RIPK3: variants seen among roughly 807,000 people sequenced by gnomAD.
The protein encoded by RIPK3 is receptor interacting serine/threonine kinase 3, also known as receptor-interacting serine/threonine-protein kinase 3.
In RIPK3, 51 loss-of-function variants were observed where a neutral mutation model predicts 51.6. The ratio of observed to expected loss-of-function variants is 0.99; its 90% CI spans 0.79 to 1.25. The LOEUF is 1.25. RIPK3 is among the 50% of genes most tolerant of loss of function. The pLI is 0.00. For synonymous variants in RIPK3, 246 were observed against 257.7 expected (o/e 0.95, Z 0.44); for missense variants, 654 against 650.4 (o/e 1.01, Z -0.06).
At chr14:24,338,804 G>A (rs754830302) in intron 3 of RIPK3, 128 of 683,662 alleles carry the variant, frequency 1.9e-4, no homozygotes, top group Middle Eastern at 3.3e-4. Flanking sequence ...GGCAGCTGGT[G>A]GAAATGACTC....
rs754012831 is a variant in RIPK3 at position 24,336,828 on chromosome 14, AGGAGGAGTCTGGT to A, written c.1336+44_1336+56del. 91 of 1,425,882 alleles carry A rather than the reference AGGAGGAGTCTGGT, an allele frequency of 6.4e-5. 1 individual carries two copies. The South Asian group carries it at 1.0e-3, about 16-fold the overall frequency. 88.3% of individuals were successfully genotyped at this position (1,425,882 alleles called of 1,614,324 possible). On this transcript the variant is annotated intron_variant, in intron 9 of 9. Transcript: ENST00000216274. ...ACCCTGAATCTAGATATAGGTCTGG[AGGAGGAGTCTGGT>A]GGAAGAATTGAACAGGGAAAAGAAA...
chr14:24,337,347 G>C lies in RIPK3; in HGVS notation c.1014C>G (p.His338Gln). 6.2e-7 allele frequency: 1 copy of C among 1,614,028 alleles called. No homozygotes were observed. The highest frequency in any genetic ancestry group is 8.5e-7 in the Non-Finnish European group (1 of 1,180,032). Reference sequence around the variant, plus strand: ...CAGAAACCATGACATCATTACGAGAGTGCTGGTTTTCTATGGTTCTCCTAA... The same window carrying C: ...CAGAAACCATGACATCATTACGAGACTGCTGGTTTTCTATGGTTCTCCTAA... ...DGFRRTIENQ[H>Q]SRNDVMVSEW... Residue 338 changes from histidine to glutamine, a missense_variant, in exon 8 of 10, where the codon CAC (histidine) becomes CAG (glutamine). His to Gln is a conservative substitution (Grantham distance 24, BLOSUM62 0). Transcript: ENST00000216274.
chr14:24,338,139 C>T (rs761384731), intron 5 of RIPK3, 99 bp from the exon 6 acceptor site: 148 of 1,586,894 alleles, frequency 9.3e-5, no homozygotes, highest in South Asian at 2.1e-4. Flanking sequence ...TGTGGGGGCA[C>T]GAGGAGGGAG....
At chr14:24,337,022 C>T (rs766820712) in intron 8 of RIPK3, 64 bp downstream of exon 8, 24 of 1,605,224 alleles carry the variant, frequency 1.5e-5, no homozygotes, top group South Asian at 6.7e-5. Context: ...CCCAAGTTTT[C>T]GCTGGCAAGG....
Position 24,338,454 on chromosome 14 carries a change from G to A in RIPK3, c.585C>T (p.Asn195=), listed in dbSNP as rs2042157749. The A allele has an allele frequency of 6.2e-7, 1 of 1,613,722 alleles. No individual in the cohort carries two copies. The highest frequency in any genetic ancestry group is 8.5e-7 in the Non-Finnish European group (1 of 1,179,678). ...YLAPELFVNV[N]RKASTASDVY... ...CGTCACTGGCTGTGGAGGCCTTCCG[G>A]TTTACGTTAACAAACAGTTCTGGGG... Residue 195 remains asparagine, a synonymous_variant, in exon 4 of 10, where the codon AAC becomes AAT. Transcript: ENST00000216274.
Position 24,339,309 on chromosome 14 carries a change from C to T in RIPK3, c.177G>A (p.Arg59=). The T allele has an allele frequency of 6.2e-7, 1 of 1,611,786 alleles. No homozygotes were observed. The highest frequency in any genetic ancestry group is 1.1e-5 in the South Asian group (1 of 91,056). ...CCAGACTTGCCATGGCCTTGACCTCCCTGGATATCGCCTTCCTACACTCCA... is the reference window on the plus strand; with the variant it reads ...CCAGACTTGCCATGGCCTTGACCTCTCTGGATATCGCCTTCCTACACTCCA... ...VKIVNSKAIS[R]EVKAMASLDN... Residue 59 remains arginine, a synonymous_variant, in exon 3 of 10, where the codon AGG becomes AGA. Transcript: ENST00000216274. The surrounding 1 kb of genome is among the most constrained non-coding windows in gnomAD (Gnocchi z 4.0).
chr14:24,336,682 G>A (rs1462046120), intron 9 of RIPK3: 2 of 683,598 alleles, frequency 2.9e-6, no homozygotes, highest in South Asian at 1.8e-5. Context: ...GAAGATTCAG[G>A]GACAAATCCA....
In RIPK3 at chr14:24,336,257, G is replaced by T. The variant is rs3212254; in HGVS notation, c.1475C>A (p.Pro492Gln). The T allele has an allele frequency of 0.065, 105,082 of 1,612,796 alleles. 4,541 individuals carry two copies. The highest frequency in any genetic ancestry group is 0.2 in the African/African-American group (15,334 of 74,904). The part of the protein sequence containing the change: ...SGKGRGLQHP[P>Q]PVGSQEGPKD... ...AGGGCCTTCTTGCGAACCTACTGGT[G>T]GGGGGTGCTGCAAGCCCCTCCCCTT... Residue 492 changes from proline (P) to glutamine (Q), a missense_variant, in exon 10 of 10, where the codon CCA (proline) becomes CAA (glutamine). Physicochemically the swap from Pro to Gln is moderately conservative, Grantham distance 76 (BLOSUM62 -1). Coordinates refer to ENST00000216274, the MANE Select transcript of RIPK3 (RefSeq NM_006871.4).
Position 24,336,892 on chromosome 14 carries a change from T to A in RIPK3, c.1329A>T (p.Pro443=). The A allele has an allele frequency of 6.2e-7, 1 of 1,614,052 alleles. No individual in the cohort carries two copies. The highest frequency in any genetic ancestry group is 8.5e-7 in the Non-Finnish European group (1 of 1,179,896). Residue 443 remains proline, a synonymous_variant, in exon 9 of 10, where the codon CCA becomes CCT. Transcript: ENST00000216274. ...GAGGTAGAGAATGGGTACCTGTTAC[T>A]GGATTTGGCTCCGGGGTCCTGCAGG... ...NWSCRTPEPN[P]VTGRPLVNIY... is the part of the protein sequence containing the mutation.
At chr14:24,338,598 GGAA>G in intron 3 of RIPK3, 31 bp from the exon 4 acceptor site, 1 of 1,579,000 alleles carries the variant, frequency 6.3e-7, no homozygotes, top group South Asian at 1.1e-5. Context: ...TGGGAGGTAG[GGAA>G]GACAAGGGGG....
chr14:24,339,094 A>C lies in RIPK3; in HGVS notation c.392T>G (p.Leu131Arg). 1.9e-6 allele frequency: 3 copies of C among 1,614,212 alleles called. No homozygotes were observed. The highest frequency in any genetic ancestry group is 2.5e-6 in the Non-Finnish European group (3 of 1,180,032). The change falls in exon 3 of 10, where the codon CTG becomes CGG. Residue 131 changes from leucine (L) to arginine (R), a missense_variant. Coordinates refer to ENST00000216274, the MANE Select transcript of RIPK3 (RefSeq NM_006871.4). The surrounding 1 kb of genome is among the most constrained non-coding windows in gnomAD (Gnocchi z 4.0). Reference protein sequence around the residue: ...LKEVVLGMFYLHDQNPVLLHR... With the variant: ...LKEVVLGMFYRHDQNPVLLHR... ...CAGGAGCACCGGGTTCTGGTCGTGC[A>C]GGTAAAACATCCCAAGCACCACTTC...
In RIPK3 at chr14:24,339,333, C is replaced by A. The variant is rs377051629; in HGVS notation, c.162-9G>T. ...CCCTGGATATCGCCTTCCTACACTC[C>A]AGGAGAGAGCTGGAGTCGCACCGGG... On this transcript the variant is annotated splice_polypyrimidine_tract_variant and intron_variant, in intron 2 of 9. Coordinates refer to ENST00000216274, the MANE Select transcript of RIPK3 (RefSeq NM_006871.4). This position sits in a 1 kb window ranked among gnomAD's most constrained non-coding sequence, Gnocchi z 4.0. 1 of 1,609,578 alleles carries A rather than the reference C, an allele frequency of 6.2e-7. No individual in the cohort carries two copies. The highest frequency in any genetic ancestry group is 1.3e-5 in the African/African-American group (1 of 74,848).
rs749917612 is a variant in RIPK3 at position 24,337,761 on chromosome 14, T to C, written c.834A>G (p.Glu278=). 3.7e-6 allele frequency: 6 copies of C among 1,613,996 alleles called. No individual in the cohort carries two copies. Among genetic ancestry groups the C allele is most frequent in the Non-Finnish European group, 5.1e-6 (6 of 1,179,926 alleles). Reference sequence around the variant, plus strand: ...AGACTTCATCAGTTTTTGGTAGGCATTCTAGAGGGACAGCAGAGTGGAGTG... The same window carrying C: ...AGACTTCATCAGTTTTTGGTAGGCACTCTAGAGGGACAGCAGAGTGGAGTG... The part of the protein sequence containing the change: ...SEPKDRPSFQ[E]CLPKTDEVFQ... The change falls in exon 7 of 10, where the codon GAA becomes GAG. Residue 278 remains glutamate (E), a splice_region_variant and synonymous_variant. Coordinates refer to ENST00000216274, the MANE Select transcript of RIPK3 (RefSeq NM_006871.4).
Position 24,339,586 on chromosome 14 carries a change from G to A in RIPK3, c.32C>T (p.Ala11Val), listed in dbSNP as rs751093144. The A allele has an allele frequency of 6.2e-7, 1 of 1,614,142 alleles. No individual in the cohort carries two copies. The highest frequency in any genetic ancestry group is 8.5e-7 in the Non-Finnish European group (1 of 1,180,020). Residue 11 changes from alanine (A) to valine (V), a missense_variant, in exon 2 of 10, where the codon GCC (alanine) becomes GTC (valine). Transcript: ENST00000216274. This position sits in a 1 kb window ranked among gnomAD's most constrained non-coding sequence, Gnocchi z 4.0. ...CTCGATGGACACCAAGGGGGCGGGGGCACCGCTGGGCCTGAGAGAGGGGTG... is the reference window on the plus strand; with the variant it reads ...CTCGATGGACACCAAGGGGGCGGGGACACCGCTGGGCCTGAGAGAGGGGTG... MSCVKLWPSG[A>V]PAPLVSIEEL...
At chr14:24,336,973 T>C in intron 8 of RIPK3, 28 bp from the exon 9 acceptor site, 2 of 1,611,348 alleles carry the variant, frequency 1.2e-6, no homozygotes, top group South Asian at 2.2e-5. Context: ...CATCCAGTTC[T>C]GCCCTGGAGC....
rs781680919 is a variant in RIPK3 at position 24,337,781 on chromosome 14, G to A, written c.833-19C>T. The A allele has an allele frequency of 2.5e-6, 4 of 1,613,860 alleles. No homozygotes were observed. Among genetic ancestry groups the A allele is most frequent in the East Asian group, 2.2e-5 (1 of 44,884 alleles). On this transcript the variant is annotated intron_variant, in intron 6 of 9. Transcript: ENST00000216274. Reference sequence around the variant, plus strand: ...AGGCATTCTAGAGGGACAGCAGAGTGGAGTGCAGGTGAGCAAATCTTCTTT... The same window carrying A: ...AGGCATTCTAGAGGGACAGCAGAGTAGAGTGCAGGTGAGCAAATCTTCTTT...
At chr14:24,338,960 C>T (rs1357318708) in intron 3 of RIPK3, 55 bp downstream of exon 3, 11 of 1,447,184 alleles carry the variant, frequency 7.6e-6, no homozygotes, top group African/African-American at 5.6e-5. Context: ...GCGGGCCTGG[C>T]TGGAGCAGCT....
rs774453431 is a variant in RIPK3, at chr14:24,338,472, T to C, written c.567A>G (p.Glu189=). Residue 189 remains glutamate (E), a synonymous_variant, in exon 4 of 10, where the codon GAA becomes GAG. Transcript: ENST00000216274. ...PGGTLGYLAP[E]LFVNVNRKAS... is the part of the protein sequence containing the mutation. ...CCTTCCGGTTTACGTTAACAAACAG[T>C]TCTGGGGCCAAGTAGCCCAGGGTGC... 2.5e-6 allele frequency: 4 copies of C among 1,613,916 alleles called. No individual in the cohort carries two copies. Among genetic ancestry groups the C allele is most frequent in the South Asian group, 1.1e-5 (1 of 91,090 alleles).
rs748933892 is a variant in RIPK3 at position 24,339,284 on chromosome 14, C to T, written c.202G>A (p.Asp68Asn). The T allele has an allele frequency of 6.2e-7, 1 of 1,613,594 alleles. No individual in the cohort carries two copies. The highest frequency in any genetic ancestry group is 8.5e-7 in the Non-Finnish European group (1 of 1,179,580). ...SREVKAMASL[D>N]NEFVLRLEGV... ...TCTAGGCGCAGCACGAATTCGTTATCCAGACTTGCCATGGCCTTGACCTCC... is the reference window on the plus strand; with the variant it reads ...TCTAGGCGCAGCACGAATTCGTTATTCAGACTTGCCATGGCCTTGACCTCC... Residue 68 changes from aspartate (D) to asparagine (N), a missense_variant, in exon 3 of 10, where the codon GAT becomes AAT. Transcript: ENST00000216274. This position sits in a 1 kb window ranked among gnomAD's most constrained non-coding sequence, Gnocchi z 4.0.
Sources: allele counts gnomAD v4.1 joint callset, GRCh38; gene constraint gnomAD v4.1.1; non-coding constraint Gnocchi (gnomAD v3.1); transcripts MANE v1.5; gene names NCBI Gene and HGNC (gene_info 2026-07-23, HGNC 2026-07-21).